Variants in DSG2 observed in about 807,000 individuals in gnomAD.
The protein encoded by DSG2 is desmoglein-2.
Under a neutral mutation model 75.6 loss-of-function variants are expected in DSG2, and 45 were observed. That is an observed-to-expected ratio of 0.60 (90% CI 0.47 to 0.76). The LOEUF is 0.76. DSG2 is among the 30% of genes least tolerant of loss of function. DSG2 has a pLI of 0.00. For missense variants in DSG2, 1,267 were observed against 1,357.4 expected (o/e 0.93, Z 1.05); for synonymous variants, 429 against 483.9 (o/e 0.89, Z 1.49).
chr18:31,505,526 C>T (rs780110647), intron 1 of DSG2, among the ~76,000 whole-genome samples: 6 of 152,026 alleles, frequency 3.9e-5, no homozygotes, highest in Non-Finnish European at 4.4e-5. Flanking sequence ...GCCTTGGGCA[C>T]GGACGTATTC....
At position 31,548,546 on chromosome 18, in the gene DSG2, A is replaced by G. The variant is rs147816088; in HGVS notation, c.*1803A>G. On this transcript the variant is annotated 3_prime_UTR_variant, in exon 15 of 15. Coordinates refer to ENST00000261590, the MANE Select transcript of DSG2 (RefSeq NM_001943.5). ...ATCATCTAGAATTGTTTACTTAGTA[A>G]TTGTTGTTTCTTTTATTATTATAGA... The G allele has an allele frequency of 1.5e-4, 23 of 152,262 alleles. No individual in the cohort carries two copies. The East Asian group carries it at 3.9e-3, about 26-fold the overall frequency. The allele number at this position is 152,262 out of a possible 1,614,324, so 9.4% of individuals were successfully genotyped here.
chr18:31,520,713 A>T, intron 3 of DSG2, 90 bp from the exon 4 acceptor site: 2 of 1,351,142 alleles, frequency 1.5e-6, no homozygotes, highest in Non-Finnish European at 2.1e-6. Flanking sequence ...TGTAAATTAT[A>T]GAGAATCACT....
At chr18:31,541,052 A>G in intron 12 of DSG2, 141 bp from the exon 13 acceptor site, 1 of 1,055,754 alleles carries the variant, frequency 9.5e-7, no homozygotes, top group Non-Finnish European at 1.4e-6. Context: ...AGGTTGGATC[A>G]GGGTGAAGAA....
At chr18:31,527,480 T>A (rs575809757) in intron 8 of DSG2, among the ~76,000 whole-genome samples, 1 of 152,150 alleles carries the variant, frequency 6.6e-6, no homozygotes, top group Admixed American at 6.5e-5. Context: ...AACAATAAAA[T>A]GAGTATTACA....
chr18:31,502,158 A>G (rs1598801057), intron 1 of DSG2, among the ~76,000 whole-genome samples: 1 of 152,288 alleles, frequency 6.6e-6, no homozygotes, highest in African/African-American at 2.4e-5. Context: ...ATGAGCATTC[A>G]TTGGCCTACG....
At chr18:31,544,000 G>A (rs2073287705) in intron 14 of DSG2, among the ~76,000 whole-genome samples, 1 of 151,968 alleles carries the variant, frequency 6.6e-6, no homozygotes, top group Non-Finnish European at 1.5e-5. Flanking sequence ...TCCTAAATAT[G>A]TCAGAACCTA....
intron 1 of DSG2, among the ~76,000 whole-genome samples, chr18:31,505,661 TTTTTTTTTTTC>T (rs1314692970): frequency 6.6e-6 from 1 of 151,130 alleles, no homozygotes; most frequent in African/African-American, 2.4e-5. Context: ...TTTTTCTTTT[TTTTTTTTTTTC>T]TTTTTTTTGA....
chr18:31,540,837 GTGA>G (rs1406058021), intron 12 of DSG2, among the ~76,000 whole-genome samples: 2 of 149,940 alleles, frequency 1.3e-5, no homozygotes, highest in East Asian at 3.9e-4. Flanking sequence ...TTTTGCAACA[GTGA>G]TTTTTTTTTA....
chr18:31,509,661 T>G (rs1389306673), intron 1 of DSG2, among the ~76,000 whole-genome samples: 5 of 152,144 alleles, frequency 3.3e-5, no homozygotes, highest in Non-Finnish European at 1.5e-5. Context: ...GTGCAGTAGG[T>G]GAATTCCAAC....
chr18:31,537,114 G>C (rs911274464), intron 11 of DSG2, among the ~76,000 whole-genome samples: 1 of 151,792 alleles, frequency 6.6e-6, no homozygotes, highest in African/African-American at 2.4e-5. Flanking sequence ...TAAACAACTA[G>C]GGTTCATTTC....
intron 8 of DSG2, 145 bp downstream of exon 8, chr18:31,525,033 T>C: frequency 1.2e-6 from 1 of 813,708 alleles, no homozygotes; most frequent in Non-Finnish European, 2.0e-6. Flanking sequence ...CCATCCCTAT[T>C]TGCCCAAGTT....
Position 31,546,283 on chromosome 18 carries a change from G to C in DSG2, c.2897G>C (p.Arg966Thr), listed in dbSNP as rs764925318. 16 of 1,602,282 alleles carry C rather than the reference G, an allele frequency of 1.0e-5. No individual in the cohort carries two copies. In the Admixed American group the frequency reaches 2.4e-4, roughly 24 times the overall value. ...SQPQSLIVTE[R>T]VYAPASTLVD... Reference sequence around the variant, plus strand: ...CCACAGAGCCTTATTGTGACAGAGAGGGTGTATGCTCCAGCTTCTACCTTG... The same window carrying C: ...CCACAGAGCCTTATTGTGACAGAGACGGTGTATGCTCCAGCTTCTACCTTG... Residue 966 changes from arginine to threonine, a missense_variant, in exon 15 of 15, where the codon AGG (arginine) becomes ACG (threonine). Arg to Thr is a moderately conservative substitution (Grantham distance 71). Coordinates refer to ENST00000261590, the MANE Select transcript of DSG2 (RefSeq NM_001943.5).
chr18:31,535,197 AAAG>A (rs1401061514), intron 9 of DSG2, 70 bp from the exon 10 acceptor site: 1 of 998,700 alleles, frequency 1.0e-6, no homozygotes, highest in Non-Finnish European at 1.6e-6. Context: ...AGTAAGCTTG[AAAG>A]AGCTGTAGAT....
At chr18:31,539,240 C>T (rs2073251259) in intron 12 of DSG2, among the ~76,000 whole-genome samples, 1 of 152,078 alleles carries the variant, frequency 6.6e-6, no homozygotes, top group African/African-American at 2.4e-5. Context: ...ACTGGTATTC[C>T]CATTTTGATG....
At chr18:31,499,368 G>GTA (rs1326771887) in intron 1 of DSG2, among the ~76,000 whole-genome samples, 1 of 151,626 alleles carries the variant, frequency 6.6e-6, no homozygotes, top group Admixed American at 6.6e-5. Context: ...GTGTGTGTGT[G>GTA]TGTGTGTGTG....
intron 13 of DSG2, chr18:31,542,089 C>G: frequency 3.9e-6 from 1 of 256,228 alleles, no homozygotes; most frequent in Non-Finnish European, 7.6e-6. Context: ...ACCATTTCTG[C>G]TTCATTCACA....
At chr18:31,498,775 A>G (rs1007720370) in intron 1 of DSG2, among the ~76,000 whole-genome samples, 1 of 152,336 alleles carries the variant, frequency 6.6e-6, no homozygotes, top group South Asian at 2.1e-4. Context: ...CCAGGAACAT[A>G]CTTGTATTCT....
At position 31,498,226 on chromosome 18, in the gene DSG2, C is replaced by CGGCGGGAGGCGGAGGCGAGGGTGCGAT; in HGVS notation, c.-21_6dup. On this transcript the variant is annotated 5_prime_UTR_variant, in exon 1 of 15. The change creates a new upstream start codon in the 5' untranslated region. Transcript: ENST00000261590. The stretch of plus-strand genomic sequence containing the variant: ...CAGGCGGCGGCGCGGAGCGGTGCGG[C>CGGCGGGAGGCGGAGGCGAGGGTGCGAT]GGCGGGAGGCGGAGGCGAGGGTGCG... 1 of 1,249,372 alleles carries CGGCGGGAGGCGGAGGCGAGGGTGCGAT rather than the reference C, an allele frequency of 8.0e-7. No homozygotes were observed. Among genetic ancestry groups the CGGCGGGAGGCGGAGGCGAGGGTGCGAT allele is most frequent in the Non-Finnish European group, 1.0e-6 (1 of 994,342 alleles). 77.4% of individuals were successfully genotyped at this position (1,249,372 alleles called of 1,614,324 possible). A position where few individuals can be genotyped will look rare whatever the true frequency, so the allele number is the denominator to read the frequency against.
At position 31,498,222 on chromosome 18, in the gene DSG2, G is replaced by T. The variant is rs544985256; in HGVS notation, c.-30G>T. On this transcript the variant is annotated 5_prime_UTR_variant, in exon 1 of 15. Coordinates refer to ENST00000261590, the MANE Select transcript of DSG2 (RefSeq NM_001943.5). ...GGGGCAGGCGGCGGCGCGGAGCGGT[G>T]CGGCGGCGGGAGGCGGAGGCGAGGG... 1.8e-5 allele frequency: 22 copies of T among 1,248,432 alleles called. No homozygotes were observed. Among genetic ancestry groups the T allele is most frequent in the Non-Finnish European group, 2.1e-5 (21 of 994,050 alleles). The allele number at this position is 1,248,432 out of a possible 1,614,324, so 77.3% of individuals were successfully genotyped here. A position where few individuals can be genotyped will look rare whatever the true frequency, so the allele number is the denominator to read the frequency against.
Sources: gnomAD v4.1 joint callset for allele counts (sites outside exome capture counted in the v4.1 genomes callset) on GRCh38, gnomAD v4.1.1 for gene constraint, MANE v1.5 for transcripts, NCBI Gene and HGNC (gene_info 2026-07-23, HGNC 2026-07-21) for gene names.